KIAA0930: variants seen among roughly 807,000 people sequenced by gnomAD.
KIAA0930 encodes the protein KIAA0930, also known as uncharacterized protein KIAA0930.
In KIAA0930, 24 loss-of-function variants were observed where a neutral mutation model predicts 43.9. That is an observed-to-expected ratio of 0.55 (90% CI 0.40 to 0.77). KIAA0930 has a LOEUF of 0.77. KIAA0930 is among the 30% of genes least tolerant of loss of function. The pLI is 0.00. For missense variants in KIAA0930, 461 were observed against 574.2 expected, an observed-to-expected ratio of 0.80 and a Z score of 2.02; for synonymous variants, 259 against 216.4, an observed-to-expected ratio of 1.20 and a Z score of -1.73.
At chr22:45,228,863 C>T (rs938199958) in intron 1 of KIAA0930, among the ~76,000 whole-genome samples, 16 of 73,418 alleles carry the variant, frequency 2.2e-4, no homozygotes, top group Non-Finnish European at 3.5e-4. Context: ...CACCCCCCAA[C>T]CACCACTCAC....
intron 1 of KIAA0930, among the ~76,000 whole-genome samples, chr22:45,221,881 T>G (rs928996942): frequency 2.0e-4 from 30 of 152,210 alleles, no homozygotes; most frequent in Admixed American, 4.6e-4. Context: ...ACTACAGGCA[T>G]GCGCAACCAC....
chr22:45,240,613 C>T, intron 1 of KIAA0930, 27 bp downstream of exon 1: 1 of 1,505,208 alleles, frequency 6.6e-7, no homozygotes, highest in African/African-American at 1.4e-5. Context: ...CTCTCCCGGC[C>T]CGGCCTCGCC....
At chr22:45,219,578 GATTGTT>G (rs2083754602) in intron 1 of KIAA0930, among the ~76,000 whole-genome samples, 1 of 128,508 alleles carries the variant, frequency 7.8e-6, no homozygotes, top group Non-Finnish European at 1.6e-5. Flanking sequence ...GCCAAGAGGT[GATTGTT>G]TTTTTTTTTT....
chr22:45,207,452 A>C (rs2083648466), intron 2 of KIAA0930: 1 of 145,488 alleles, frequency 6.9e-6, no homozygotes, highest in African/African-American at 2.6e-5. Flanking sequence ...CCTCCCAAGT[A>C]CCTGGGATTA....
At chr22:45,226,207 C>T (rs781332371) in intron 1 of KIAA0930, 31 of 469,994 alleles carry the variant, frequency 6.6e-5, no homozygotes, top group South Asian at 4.5e-4. Flanking sequence ...ACTTGCACAA[C>T]GCTGTGAAAT....
rs76429743 is a variant in KIAA0930 at position 45,225,818 on chromosome 22, G to C, written c.65-13711C>G. ...TGCACCTGACGGCATTGCCTCACTT[G>C]ATCTTCACAAAGATCCTGAGAGGTA... On this transcript the variant is annotated intron_variant, in intron 1 of 9. Coordinates refer to ENST00000336156, the MANE Select transcript of KIAA0930 (RefSeq NM_001009880.2). 3.4e-3 allele frequency among the ~76,000 whole-genome samples: 518 copies of C among 152,356 alleles called. 2 individuals carry two copies. The highest frequency in any genetic ancestry group is 0.012 in the African/African-American group (504 of 41,586).
chr22:45,228,057 G>C (rs747788918), intron 1 of KIAA0930, among the ~76,000 whole-genome samples: 23 of 152,226 alleles, frequency 1.5e-4, no homozygotes, highest in Non-Finnish European at 1.8e-4. Flanking sequence ...GGGACCTGCA[G>C]ATAGAGCTGG....
At position 45,196,709 on chromosome 22, in the gene KIAA0930, C is replaced by G. The variant is rs1362652877; in HGVS notation, c.*467G>C. The G allele has an allele frequency of 6.3e-6, 1 of 157,716 alleles. No homozygotes were observed. The highest frequency in any genetic ancestry group is 1.4e-5 in the Non-Finnish European group (1 of 71,802). 9.8% of individuals were successfully genotyped at this position (157,716 alleles called of 1,614,324 possible). A position where few individuals can be genotyped will look rare whatever the true frequency, so the allele number is the denominator to read the frequency against. On this transcript the variant is annotated 3_prime_UTR_variant, in exon 10 of 10. Transcript: ENST00000336156. The surrounding 1 kb of genome is among the most constrained non-coding windows in gnomAD (Gnocchi z 4.1). The stretch of plus-strand genomic sequence containing the variant: ...TGGGACTGACTCGGGTGCTGAAGTT[C>G]ATCCGCACGGCATTCCAGAATCTTC...
At chr22:45,216,845 G>A (rs976973324) in intron 1 of KIAA0930, among the ~76,000 whole-genome samples, 8 of 152,056 alleles carry the variant, frequency 5.3e-5, no homozygotes, top group Non-Finnish European at 1.2e-4. Flanking sequence ...TAGCACCTCG[G>A]ACAGCTCTGT....
intron 5 of KIAA0930, among the ~76,000 whole-genome samples, chr22:45,204,623 T>C (rs2083619313): frequency 6.6e-6 from 1 of 151,986 alleles, no homozygotes; most frequent in African/African-American, 2.4e-5. Context: ...GCACCTTGGA[T>C]GCGCACAAGG....
intron 1 of KIAA0930, among the ~76,000 whole-genome samples, chr22:45,216,524 C>G (rs563775124): frequency 5.9e-5 from 9 of 152,276 alleles, no homozygotes; most frequent in African/African-American, 1.9e-4. Context: ...TTTGGCCTCA[C>G]GGTGCAGCAA....
At chr22:45,205,406 C>T (rs536069625) in intron 4 of KIAA0930, 88 bp from the exon 5 acceptor site, 24 of 1,177,874 alleles carry the variant, frequency 2.0e-5, no homozygotes, top group Non-Finnish European at 2.5e-5. Context: ...GGAGGCCACC[C>T]GGCCCAGAGC....
At chr22:45,233,317 G>A (rs5766574) in intron 1 of KIAA0930, among the ~76,000 whole-genome samples, 58,532 of 151,840 alleles carry the variant, frequency 0.39, 12,448 homozygotes, top group South Asian at 0.5. Context: ...TGTGGTACAG[G>A]GTGGGCAGAC....
chr22:45,222,259 T>C (rs993008174), intron 1 of KIAA0930, among the ~76,000 whole-genome samples: 1 of 152,210 alleles, frequency 6.6e-6, no homozygotes, highest in African/African-American at 2.4e-5. Context: ...GAAGCCTTTC[T>C]AAGGAGAACA....
rs2083527625 is a variant in KIAA0930, at chr22:45,195,470, C to A, written c.*1706G>T. 1 of 152,316 alleles carries A rather than the reference C, an allele frequency of 6.6e-6. No individual in the cohort carries two copies. The highest frequency in any genetic ancestry group is 2.1e-4 in the South Asian group (1 of 4,826). The allele number at this position is 152,316 out of a possible 1,614,324, so 9.4% of individuals were successfully genotyped here. ...GGAGAGCACTCAAATGGGGCTGGAC[C>A]ATGCTCGGGGCTCCCTGAGGCTCTG... is the stretch of plus-strand genomic sequence containing the variant. On this transcript the variant is annotated 3_prime_UTR_variant, in exon 10 of 10. Coordinates refer to ENST00000336156, the MANE Select transcript of KIAA0930 (RefSeq NM_001009880.2).
In KIAA0930 at chr22:45,205,747, C is replaced by T. The variant is rs370861466; in HGVS notation, c.337-40G>A. The T allele has an allele frequency of 6.2e-6, 10 of 1,613,232 alleles. No homozygotes were observed. In the African/African-American group the frequency reaches 9.3e-5, roughly 15 times the overall value. ...GGGTCAGCGTGCAGGGAGGGGTCAG[C>T]CATCCCACAGGGCCAATCCGCAGCC... On this transcript the variant is annotated intron_variant, in intron 3 of 9. Coordinates refer to ENST00000336156, the MANE Select transcript of KIAA0930 (RefSeq NM_001009880.2).
intron 1 of KIAA0930, among the ~76,000 whole-genome samples, chr22:45,217,986 G>A (rs1414085190): frequency 2.0e-5 from 3 of 152,148 alleles, no homozygotes; most frequent in South Asian, 2.1e-4. Flanking sequence ...AGCCTGGGCC[G>A]TCCACACCCC....
At position 45,197,834 on chromosome 22, in the gene KIAA0930, G is replaced by A. The variant is rs2083551113; in HGVS notation, c.1130C>T (p.Ala377Val). The A allele has an allele frequency of 2.5e-6, 4 of 1,614,202 alleles. No individual in the cohort carries two copies. The highest frequency in any genetic ancestry group is 1.7e-5 in the Admixed American group (1 of 60,038). The change falls in exon 9 of 10, where the codon GCA becomes GTA. Residue 377 changes from alanine to valine, a missense_variant. Coordinates refer to ENST00000336156, the MANE Select transcript of KIAA0930 (RefSeq NM_001009880.2). The part of the protein sequence containing the change: ...NRADGNFLLY[A>V]HLTYVTLPLH... ...CGGCAACGTGACGTAGGTTAAGTGT[G>A]CATAGAGAAGGAAGTTTCCATCTGC...
intron 1 of KIAA0930, among the ~76,000 whole-genome samples, chr22:45,238,201 C>T (rs2083898362): frequency 6.6e-6 from 1 of 152,056 alleles, no homozygotes; most frequent in African/African-American, 2.4e-5. Flanking sequence ...GTTGGGATTA[C>T]AGGCATGAGC....
Sources: allele counts gnomAD v4.1 joint callset (sites outside exome capture counted in the v4.1 genomes callset), GRCh38; gene constraint gnomAD v4.1.1; non-coding constraint Gnocchi (gnomAD v3.1); transcripts MANE v1.5; gene names NCBI Gene and HGNC (gene_info 2026-07-23, HGNC 2026-07-21).